The following REV1 variants were observed in gnomAD, a reference collection of about 807,000 sequenced individuals.
REV1 encodes translesion synthesis protein REV1.
A neutral mutation model predicts 137.4 loss-of-function variants in REV1; 42 were observed. The observed-to-expected ratio is 0.31, with a 90% confidence interval of 0.24 to 0.40. The LOEUF (loss-of-function observed/expected upper bound fraction) is 0.40, where lower values mean the gene tolerates loss of function less well. Among genes scored for constraint, REV1 ranks in the 10% least tolerant of loss-of-function variants. The pLI, the probability that REV1 is intolerant of heterozygous loss-of-function variation, is 1.00. For synonymous variants in REV1, 524 were observed against 519.2 expected (o/e 1.01, Z -0.12); for missense variants, 1,282 against 1,490.1 (o/e 0.86, Z 2.30).
chr2:99,465,481 AT>A (rs1370067384), intron 1 of REV1, among the ~76,000 whole-genome samples: 1 of 152,252 alleles, frequency 6.6e-6, no homozygotes, highest in Non-Finnish European at 1.5e-5. Flanking sequence ...TCAATTAAAA[AT>A]GATGCAGAAA....
rs182143175 is a variant in REV1, at chr2:99,455,968, T to C, written c.182-6464A>G. On this transcript the variant is annotated intron_variant, in intron 3 of 22. Transcript: ENST00000258428. Reference sequence around the variant, plus strand: ...TCTTTTACCCATGTACTAAAGGAAGTAGAAAATAACCTGAACACCTCTTTC... The same window carrying C: ...TCTTTTACCCATGTACTAAAGGAAGCAGAAAATAACCTGAACACCTCTTTC... Among the ~76,000 whole-genome samples the C allele has an allele frequency of 1.6e-4, 25 of 152,148 alleles. No homozygotes were observed. The East Asian group carries it at 4.5e-3, about 27-fold the overall frequency.
chr2:99,465,691 T>G (rs113923517), intron 1 of REV1, among the ~76,000 whole-genome samples: 1 of 152,218 alleles, frequency 6.6e-6, no homozygotes, highest in Non-Finnish European at 1.5e-5. Flanking sequence ...CAAAGCCTTT[T>G]AACACAAACA....
In REV1 at chr2:99,442,359, A is replaced by G; in HGVS notation, c.461T>C (p.Leu154Pro). ...FNPVCRPEDP[L>P]PGPSNIAKQL... ...TTTGGCTATATTGCTTGGACCTGGC[A>G]GAGGATCCTCAGGTCTGCATACAGG... Residue 154 changes from leucine (L) to proline (P), a missense_variant, in exon 5 of 23, where the codon CTG becomes CCG. By Grantham distance (98) the Leu-to-Pro change is moderately conservative. Coordinates refer to ENST00000258428, the MANE Select transcript of REV1 (RefSeq NM_016316.4). The G allele has an allele frequency of 6.2e-7, 1 of 1,604,796 alleles. No individual in the cohort carries two copies. The highest frequency in any genetic ancestry group is 8.5e-7 in the Non-Finnish European group (1 of 1,174,752).
intron 8 of REV1, among the ~76,000 whole-genome samples, chr2:99,432,188 G>A (rs1020486782): frequency 2.0e-5 from 3 of 152,186 alleles, no homozygotes; most frequent in Non-Finnish European, 4.4e-5. Flanking sequence ...GTCATGGATG[G>A]ATGAGATACC....
intron 1 of REV1, among the ~76,000 whole-genome samples, chr2:99,468,798 AG>A (rs1290887650): frequency 1.3e-5 from 2 of 152,230 alleles, no homozygotes; most frequent in African/African-American, 4.8e-5. Flanking sequence ...CTTAACATTT[AG>A]GGTACACCTT....
At chr2:99,422,238 T>A (rs1678780954) in intron 10 of REV1, among the ~76,000 whole-genome samples, 1 of 152,216 alleles carries the variant, frequency 6.6e-6, no homozygotes, top group Non-Finnish European at 1.5e-5. Flanking sequence ...ACATACTTTT[T>A]AAAAAATCAT....
rs771767406 is a variant in REV1, at chr2:99,439,122, C to G, written c.692G>C (p.Ser231Thr). 1 of 1,614,140 alleles carries G rather than the reference C, an allele frequency of 6.2e-7. No homozygotes were observed. The highest frequency in any genetic ancestry group is 1.1e-5 in the South Asian group (1 of 91,074). The change falls in exon 6 of 23, where the codon AGC (serine) becomes ACC (threonine). Residue 231 changes from serine to threonine, a missense_variant. This residue lies in a region of REV1 where 432 missense variants were observed against 438.0 expected (regional missense o/e 0.99). Coordinates refer to ENST00000258428, the MANE Select transcript of REV1 (RefSeq NM_016316.4). ...CTGTGTCTTTAAGGCACCATTAGAG[C>G]TAGGAGTGTGTCCATTAAAAATGGC... is the stretch of plus-strand genomic sequence containing the variant. ...STAIFNGHTP[S>T]SNGALKTQDC... is the part of the protein sequence containing the mutation.
chr2:99,456,105 C>A (rs1683512443), intron 3 of REV1, among the ~76,000 whole-genome samples: 1 of 152,216 alleles, frequency 6.6e-6, no homozygotes, highest in Non-Finnish European at 1.5e-5. Context: ...CCAGAGCCTA[C>A]CTCCCAGATT....
chr2:99,457,375 A>C (rs1041126062), intron 3 of REV1, among the ~76,000 whole-genome samples: 1 of 152,176 alleles, frequency 6.6e-6, no homozygotes, highest in African/African-American at 2.4e-5. Flanking sequence ...TTTGTGGATA[A>C]ATGACTTATT....
intron 1 of REV1, among the ~76,000 whole-genome samples, chr2:99,475,362 AC>A (rs1484883015): frequency 3.9e-5 from 6 of 152,238 alleles, no homozygotes; most frequent in Non-Finnish European, 8.8e-5. Context: ...GGATAAAAAC[AC>A]TTTTAAATAA....
At position 99,403,738 on chromosome 2, in the gene REV1, C is replaced by T. The variant is rs1249082614; in HGVS notation, c.3123G>A (p.Arg1041=). Residue 1041 remains arginine (R), a synonymous_variant, in exon 19 of 23, where the codon AGG becomes AGA. Coordinates refer to ENST00000258428, the MANE Select transcript of REV1 (RefSeq NM_016316.4). ...ELKAAYDQRQ[R]QGENSTHQQS... is the part of the protein sequence containing the mutation. ...GCTGGTGAGTGCTGTTCTCGCCCTGCCTTTGTCTTTGATCATACGCTGCTT... is the reference window on the plus strand; with the variant it reads ...GCTGGTGAGTGCTGTTCTCGCCCTGTCTTTGTCTTTGATCATACGCTGCTT... The T allele has an allele frequency of 6.2e-7, 1 of 1,614,168 alleles. No individual in the cohort carries two copies. The highest frequency in any genetic ancestry group is 1.7e-5 in the Admixed American group (1 of 60,020).
At chr2:99,435,071 G>C (rs548728429) in intron 7 of REV1, among the ~76,000 whole-genome samples, 13 of 152,178 alleles carry the variant, frequency 8.5e-5, no homozygotes, top group Admixed American at 3.3e-4. Context: ...TGAGGACCAA[G>C]AAATAAAATC....
At chr2:99,415,412 A>G (rs1399473299) in intron 12 of REV1, among the ~76,000 whole-genome samples, 1 of 152,194 alleles carries the variant, frequency 6.6e-6, no homozygotes, top group Admixed American at 6.5e-5. Flanking sequence ...CCCTAGGTTA[A>G]AAGTGGCCAA....
chr2:99,450,915 C>A (rs1416705864), intron 3 of REV1, among the ~76,000 whole-genome samples: 3 of 152,060 alleles, frequency 2.0e-5, no homozygotes, highest in Non-Finnish European at 2.9e-5. Context: ...CAGTGTCATA[C>A]AAAGAGATTT....
chr2:99,406,395 C>T lies in REV1; in HGVS notation c.2544G>A (p.Gly848=). ...PSVQSSHFPS[G]SYSVRDVFQV... ...GGAAGACATCACGGACAGAGTATGA[C>T]CCACTAGGAAAGTGGCTTGACTGAA... is the stretch of plus-strand genomic sequence containing the variant. Residue 848 remains glycine, a synonymous_variant, in exon 16 of 23, where the codon GGG becomes GGA. Transcript: ENST00000258428. The T allele has an allele frequency of 6.2e-7, 1 of 1,613,738 alleles. No homozygotes were observed. Among genetic ancestry groups the T allele is most frequent in the East Asian group, 2.2e-5 (1 of 44,866 alleles).
At chr2:99,459,346 G>A (rs1038190828) in intron 3 of REV1, among the ~76,000 whole-genome samples, 3 of 152,166 alleles carry the variant, frequency 2.0e-5, no homozygotes, top group Non-Finnish European at 4.4e-5. Context: ...AGGGTTCACA[G>A]TATCACTATG....
intron 1 of REV1, among the ~76,000 whole-genome samples, chr2:99,478,915 C>T (rs891129282): frequency 1.3e-5 from 2 of 152,112 alleles, no homozygotes; most frequent in African/African-American, 4.8e-5. Context: ...GAGAAAAGGA[C>T]AGTTCAGTGG....
At chr2:99,419,205 A>ATTTTTT (rs774732084) in intron 11 of REV1, among the ~76,000 whole-genome samples, 1 of 115,996 alleles carries the variant, frequency 8.6e-6, no homozygotes, top group Admixed American at 1.0e-4. Context: ...AGCAGTCCTG[A>ATTTTTT]TTTTTTTTTT....
chr2:99,417,146 GTT>G (rs1259503843), intron 12 of REV1, among the ~76,000 whole-genome samples: 1 of 151,938 alleles, frequency 6.6e-6, no homozygotes, highest in Non-Finnish European at 1.5e-5. Flanking sequence ...ATTTGTTTTT[GTT>G]TTGTTTTTTT....
Sources: allele counts gnomAD v4.1 joint callset (sites outside exome capture counted in the v4.1 genomes callset), GRCh38; gene constraint gnomAD v4.1.1; regional missense constraint gnomAD v4.1.1; transcripts MANE v1.5; gene names NCBI Gene and HGNC (gene_info 2026-07-23, HGNC 2026-07-21).